The following SNX27 variants were observed in gnomAD, a reference collection of about 807,000 sequenced individuals.
The protein encoded by SNX27 is sorting nexin-27.
A neutral mutation model predicts 71.6 loss-of-function variants in SNX27; 22 were observed. The ratio of observed to expected loss-of-function variants is 0.31; its 90% confidence interval spans 0.22 to 0.44. The LOEUF (loss-of-function observed/expected upper bound fraction) is 0.44, where lower values mean the gene tolerates loss of function less well. Among genes scored for constraint, SNX27 ranks in the 20% least tolerant of loss-of-function variants. The probability of loss-of-function intolerance (pLI) is 1.00; values close to 1 mark genes in which losing one functional copy is unlikely to be tolerated. For synonymous variants in SNX27, 269 were observed against 277.2 expected, an observed-to-expected ratio of 0.97 and a Z score of 0.29; for missense variants, 531 against 698.6, an observed-to-expected ratio of 0.76 and a Z score of 2.70.
chr1:151,690,734 A>AG (rs1285585690), intron 8 of SNX27, among the ~76,000 whole-genome samples: 1 of 152,120 alleles, frequency 6.6e-6, no homozygotes, highest in Non-Finnish European at 1.5e-5. Context: ...AGTGTGAGCC[A>AG]CCATGCCCAG....
intron 7 of SNX27, among the ~76,000 whole-genome samples, chr1:151,668,948 A>G (rs2102696288): frequency 6.6e-6 from 1 of 152,324 alleles, no homozygotes; most frequent in Non-Finnish European, 1.5e-5. Context: ...TAGAGTTTAA[A>G]GCATCAAATA....
intron 2 of SNX27, among the ~76,000 whole-genome samples, chr1:151,655,245 T>A (rs1669631064): frequency 6.6e-6 from 1 of 152,170 alleles, no homozygotes; most frequent in African/African-American, 2.4e-5. Context: ...TCCTAAAGCA[T>A]GGTCTTTTTG....
At chr1:151,620,259 G>A (rs770181372) in intron 1 of SNX27, among the ~76,000 whole-genome samples, 2 of 152,204 alleles carry the variant, frequency 1.3e-5, no homozygotes, top group Non-Finnish European at 2.9e-5. Context: ...CTCTTTATGA[G>A]CTCAGAATAT....
rs760476184 is a variant in SNX27, at chr1:151,665,039, G to C, written c.907-894G>C. On this transcript the variant is annotated intron_variant, in intron 5 of 11. Coordinates refer to ENST00000458013, the MANE Select transcript of SNX27 (RefSeq NM_001330723.2). ...AGGCCTCATATGTGAGCAGATATGA[G>C]AAGAAGGGATATAATCACATTTGGC... Among the ~76,000 whole-genome samples the C allele has an allele frequency of 3.3e-5, 5 of 152,142 alleles. No individual in the cohort carries two copies. The East Asian group carries it at 7.7e-4, about 23-fold the overall frequency.
chr1:151,647,369 C>G (rs1487500226), intron 2 of SNX27, among the ~76,000 whole-genome samples: 2 of 149,966 alleles, frequency 1.3e-5, no homozygotes, highest in Non-Finnish European at 3.0e-5. Flanking sequence ...AGGCTGGTCT[C>G]GAACTCCTGA....
At chr1:151,693,148 T>A in intron 10 of SNX27, 109 bp downstream of exon 10, 1 of 1,459,748 alleles carries the variant, frequency 6.9e-7, no homozygotes. Context: ...TGTCTTGAGA[T>A]CCGAACCTGT....
Position 151,698,378 on chromosome 1 carries a change from T to A in SNX27, c.*3961T>A, listed in dbSNP as rs1041188129. 2.6e-5 allele frequency: 4 copies of A among 152,680 alleles called. No homozygotes were observed. Among genetic ancestry groups the A allele is most frequent in the African/African-American group, 4.8e-5 (2 of 41,468 alleles). 9.5% of individuals were successfully genotyped at this position (152,680 alleles called of 1,614,324 possible). On this transcript the variant is annotated 3_prime_UTR_variant, in exon 12 of 12. Coordinates refer to ENST00000458013, the MANE Select transcript of SNX27 (RefSeq NM_001330723.2). ...CTGAATTTTCCAGACCAGGAGGGAC[T>A]GCTGTGCTCTCCCTTCTCGCCATCA...
chr1:151,628,181 A>T (rs1232051805), intron 1 of SNX27, among the ~76,000 whole-genome samples: 3 of 151,502 alleles, frequency 2.0e-5, no homozygotes, highest in Non-Finnish European at 4.4e-5. Context: ...TAATTTTTGT[A>T]TTTTTAGTAG....
chr1:151,687,481 C>G (rs1671231979), intron 8 of SNX27, among the ~76,000 whole-genome samples: 1 of 152,172 alleles, frequency 6.6e-6, no homozygotes, highest in Non-Finnish European at 1.5e-5. Flanking sequence ...AGAATCACTA[C>G]TCTGATTCTG....
chr1:151,625,601 C>T (rs996490106), intron 1 of SNX27, among the ~76,000 whole-genome samples: 7 of 151,742 alleles, frequency 4.6e-5, no homozygotes, highest in Admixed American at 6.6e-5. Flanking sequence ...CTATGGGAGG[C>T]TGAAGGGGCA....
chr1:151,681,928 A>G (rs1213264519), intron 7 of SNX27, among the ~76,000 whole-genome samples: 1 of 152,042 alleles, frequency 6.6e-6, no homozygotes, highest in Non-Finnish European at 1.5e-5. Context: ...TCTTTAGCTT[A>G]TAGTTTCTCT....
intron 1 of SNX27, chr1:151,615,557 A>C (rs979328991): frequency 3.4e-6 from 1 of 294,810 alleles, no homozygotes; most frequent in Non-Finnish European, 5.0e-6. Flanking sequence ...CTGTCCTCCA[A>C]GTTCTTAAAG....
intron 1 of SNX27, among the ~76,000 whole-genome samples, chr1:151,620,378 T>C (rs1346138518): frequency 2.0e-5 from 3 of 152,224 alleles, no homozygotes; most frequent in African/African-American, 7.2e-5. Context: ...AAATCACTAT[T>C]AGAATTAGAG....
Position 151,612,182 on chromosome 1 carries a change from A to G in SNX27, c.-20A>G. ...CCTTGGAGGCGTAGGGGGCGGGGGT[A>G]CGGCTCGCCTGCTCGCAAGATGGCG... On this transcript the variant is annotated 5_prime_UTR_variant, in exon 1 of 12. Transcript: ENST00000458013. This position sits in a 1 kb window ranked among gnomAD's most constrained non-coding sequence, Gnocchi z 5.2. 3 of 1,326,882 alleles carry G rather than the reference A, an allele frequency of 2.3e-6. No homozygotes were observed. Among genetic ancestry groups the G allele is most frequent in the Non-Finnish European group, 2.9e-6 (3 of 1,036,714 alleles). The allele number at this position is 1,326,882 out of a possible 1,614,324, so 82.2% of individuals were successfully genotyped here. A position where few individuals can be genotyped will look rare whatever the true frequency, so the allele number is the denominator to read the frequency against.
intron 1 of SNX27, among the ~76,000 whole-genome samples, chr1:151,621,619 T>C (rs1183181706): frequency 6.6e-6 from 1 of 152,244 alleles, no homozygotes; most frequent in African/African-American, 2.4e-5. Context: ...TCCCAGCTGC[T>C]TTCAAGAGGC....
At chr1:151,646,565 C>T (rs1669041728) in intron 2 of SNX27, among the ~76,000 whole-genome samples, 1 of 148,702 alleles carries the variant, frequency 6.7e-6, no homozygotes, top group Non-Finnish European at 1.5e-5. Flanking sequence ...CATTTACCTT[C>T]AAATTATATA....
At chr1:151,648,039 T>TTTTTTTG (rs905853962) in intron 2 of SNX27, among the ~76,000 whole-genome samples, 2 of 151,382 alleles carry the variant, frequency 1.3e-5, no homozygotes, top group South Asian at 2.1e-4. Flanking sequence ...AGAGTCGGGG[T>TTTTTTTG]TTTTTTGTTT....
At chr1:151,636,889 T>G (rs1304901462) in intron 1 of SNX27, among the ~76,000 whole-genome samples, 1 of 152,152 alleles carries the variant, frequency 6.6e-6, no homozygotes, top group Non-Finnish European at 1.5e-5. Context: ...ATATACATAG[T>G]ACCTCTTTAC....
At chr1:151,687,617 C>CT (rs959233852) in intron 8 of SNX27, among the ~76,000 whole-genome samples, 1 of 152,122 alleles carries the variant, frequency 6.6e-6, no homozygotes, top group Non-Finnish European at 1.5e-5. Context: ...ACCCATTCAC[C>CT]TAAAGTGTTC....
Sources: gnomAD v4.1 joint callset for allele counts (sites outside exome capture counted in the v4.1 genomes callset) on GRCh38, gnomAD v4.1.1 for gene constraint, Gnocchi (gnomAD v3.1) non-coding constraint, MANE v1.5 for transcripts, NCBI Gene and HGNC (gene_info 2026-07-23, HGNC 2026-07-21) for gene names.